METTL15: variants seen among roughly 807,000 people sequenced by gnomAD.
METTL15 encodes the protein methyltransferase 15, mitochondrial 12S rRNA N4-cytidine.
Under a neutral mutation model 38.3 loss-of-function variants are expected in METTL15, and 34 were observed. The ratio of observed to expected loss-of-function variants is 0.89; its 90% CI spans 0.68 to 1.18. The LOEUF is 1.18. Among genes scored for constraint, METTL15 ranks in the 50% most tolerant of loss-of-function variants. The pLI, the probability that METTL15 is intolerant of heterozygous loss-of-function variation, is 0.00. For missense variants in METTL15, 438 were observed against 498.4 expected (o/e 0.88, Z 1.15); for synonymous variants, 162 against 170.9 (o/e 0.95, Z 0.41).
chr11:28,214,900 A>G (rs1590169692), intron 4 of METTL15, among the ~76,000 whole-genome samples: 1 of 152,216 alleles, frequency 6.6e-6, no homozygotes, highest in African/African-American at 2.4e-5. Flanking sequence ...CAAGGAAGTA[A>G]GCCCTTTCCT....
At chr11:28,253,664 A>G in intron 4 of METTL15, among the ~76,000 whole-genome samples, 1 of 136,660 alleles carries the variant, frequency 7.3e-6, no homozygotes, top group East Asian at 2.2e-4. Context: ...GTCTCTGGTA[A>G]CCATCCTTCT....
At chr11:28,122,371 G>GTGTGTATA (rs1437112554) in intron 3 of METTL15, among the ~76,000 whole-genome samples, 121 of 77,674 alleles carry the variant, frequency 1.6e-3, no homozygotes, top group Non-Finnish European at 1.6e-3. Flanking sequence ...GTGTGTGTGT[G>GTGTGTATA]TATATATATA....
chr11:28,524,824 GTT>G (rs1008790043), intron 6 of METTL15, among the ~76,000 whole-genome samples: 1 of 152,182 alleles, frequency 6.6e-6, no homozygotes, highest in Non-Finnish European at 1.5e-5. Context: ...GAATTGGTGG[GTT>G]ATTGGTCTCA....
chr11:28,118,090 C>T (rs1321013690), intron 3 of METTL15, among the ~76,000 whole-genome samples: 1 of 152,018 alleles, frequency 6.6e-6, no homozygotes, highest in African/African-American at 2.4e-5. Context: ...GCAAGCTCCA[C>T]CTCGCAGGTT....
At chr11:28,289,907 A>G (rs1417093827) in intron 4 of METTL15, among the ~76,000 whole-genome samples, 4 of 152,170 alleles carry the variant, frequency 2.6e-5, no homozygotes, top group African/African-American at 9.7e-5. Flanking sequence ...AGAAAATATG[A>G]AAGACCTGGT....
intron 3 of METTL15, among the ~76,000 whole-genome samples, chr11:28,119,055 C>T (rs1220442743): frequency 1.3e-5 from 2 of 152,122 alleles, no homozygotes; most frequent in Non-Finnish European, 2.9e-5. Flanking sequence ...TTCTGGAACT[C>T]TCCTCATCTT....
intron 6 of METTL15, among the ~76,000 whole-genome samples, chr11:28,457,117 T>G (rs1851175731): frequency 6.6e-6 from 1 of 152,244 alleles, no homozygotes; most frequent in Non-Finnish European, 1.5e-5. Context: ...TTCTTGGTAC[T>G]CATTTTTTGT....
chr11:28,377,839 G>C (rs545155852), intron 5 of METTL15, among the ~76,000 whole-genome samples: 2 of 151,412 alleles, frequency 1.3e-5, no homozygotes, highest in East Asian at 3.9e-4. Context: ...TTTTTGGTGT[G>C]GATGTCCTTT....
chr11:28,319,834 G>T (rs546845869), intron 6 of METTL15, among the ~76,000 whole-genome samples: 1 of 152,254 alleles, frequency 6.6e-6, no homozygotes, highest in Admixed American at 6.5e-5. Flanking sequence ...TGTGAATCCT[G>T]GAAAAAGGAG....
At chr11:28,474,394 G>A (rs933250883) in intron 6 of METTL15, among the ~76,000 whole-genome samples, 1 of 152,058 alleles carries the variant, frequency 6.6e-6, no homozygotes, top group East Asian at 1.9e-4. Context: ...TAACACTATT[G>A]TTGAAAAATA....
intron 4 of METTL15, among the ~76,000 whole-genome samples, chr11:28,263,498 GTAGACAA>G: frequency 6.6e-6 from 1 of 152,018 alleles, no homozygotes; most frequent in Admixed American, 6.6e-5. Flanking sequence ...ATTTATTTTT[GTAGACAA>G]TAGAATAAGA....
intron 4 of METTL15, among the ~76,000 whole-genome samples, chr11:28,232,812 C>A (rs189039481): frequency 1.1e-3 from 162 of 152,020 alleles, no homozygotes; most frequent in Non-Finnish European, 1.7e-3. Context: ...ATCTTTTTCT[C>A]CTGGAATCTC....
intron 4 of METTL15, among the ~76,000 whole-genome samples, chr11:28,237,375 T>G (rs929284153): frequency 1.3e-5 from 2 of 152,240 alleles, no homozygotes; most frequent in Non-Finnish European, 2.9e-5. Context: ...CTGATACCCT[T>G]TCTTCCAATT....
intron 5 of METTL15, among the ~76,000 whole-genome samples, chr11:28,385,527 C>T (rs1462382029): frequency 6.6e-6 from 1 of 151,966 alleles, no homozygotes; most frequent in African/African-American, 2.4e-5. Context: ...TAGTACCATG[C>T]TGTTTTGGTT....
intron 3 of METTL15, among the ~76,000 whole-genome samples, chr11:28,155,848 T>C (rs958488891): frequency 2.0e-5 from 3 of 152,180 alleles, no homozygotes; most frequent in Admixed American, 1.3e-4. Context: ...TGGTAGCTAG[T>C]ATTACAATTT....
intron 4 of METTL15, among the ~76,000 whole-genome samples, chr11:28,282,116 G>T (rs1429803801): frequency 6.6e-6 from 1 of 152,094 alleles, no homozygotes. Context: ...ACATGACTAG[G>T]TCTATATACA....
intron 4 of METTL15, among the ~76,000 whole-genome samples, chr11:28,219,268 T>C (rs949431426): frequency 3.3e-5 from 5 of 152,212 alleles, no homozygotes; most frequent in African/African-American, 1.2e-4. Context: ...AGATTCAACT[T>C]CTTCCTGGTT....
intron 4 of METTL15, among the ~76,000 whole-genome samples, chr11:28,358,379 T>C (rs1376301292): frequency 6.6e-6 from 1 of 152,202 alleles, no homozygotes; most frequent in Non-Finnish European, 1.5e-5. Flanking sequence ...ATTAAGTTTG[T>C]GATAATCTGC....
downstream of METTL15, among the ~76,000 whole-genome samples, chr11:28,529,057 T>C (rs1373495713): frequency 6.6e-6 from 1 of 152,132 alleles, no homozygotes; most frequent in African/African-American, 2.4e-5. Context: ...GGGTTCATAA[T>C]CCTAAAATGT....
Sources: allele counts gnomAD v4.1 joint callset (sites outside exome capture counted in the v4.1 genomes callset), GRCh38; gene constraint gnomAD v4.1.1; transcripts MANE v1.5; gene names NCBI Gene and HGNC (gene_info 2026-07-23, HGNC 2026-07-21).